Variants in RICTOR observed in about 807,000 individuals in gnomAD.
The protein encoded by RICTOR is rapamycin-insensitive companion of mTOR.
Under a neutral mutation model 214.9 loss-of-function variants are expected in RICTOR, and 49 were observed. That is an observed-to-expected ratio of 0.23 (90% CI 0.18 to 0.29). The LOEUF is 0.29. RICTOR is among the 10% of genes least tolerant of loss of function. The pLI, the probability that RICTOR is intolerant of heterozygous loss-of-function variation, is 1.00. For synonymous variants in RICTOR, 717 were observed against 711.3 expected (o/e 1.01, Z -0.13); for missense variants, 1,625 against 2,047.0 (o/e 0.79, Z 3.98).
At chr5:38,948,839 G>C (rs968176292) in intron 31 of RICTOR, among the ~76,000 whole-genome samples, 3 of 152,110 alleles carry the variant, frequency 2.0e-5, no homozygotes, top group East Asian at 3.9e-4. Flanking sequence ...AATGTGTTAA[G>C]CATTATTGAA....
At chr5:39,002,508 A>G in intron 5 of RICTOR, 27 bp downstream of exon 5, 1 of 1,546,224 alleles carries the variant, frequency 6.5e-7, no homozygotes, top group Non-Finnish European at 8.8e-7. Flanking sequence ...AATTTCAAAA[A>G]TATATAAACA....
intron 2 of RICTOR, among the ~76,000 whole-genome samples, chr5:39,068,588 GAAC>G (rs1000368219): frequency 3.9e-5 from 6 of 152,122 alleles, no homozygotes; most frequent in African/African-American, 7.2e-5. Flanking sequence ...TTATTTAAGA[GAAC>G]AACAAGATCA....
At chr5:38,982,472 C>T (rs116206579) in intron 7 of RICTOR, among the ~76,000 whole-genome samples, 3 of 152,096 alleles carry the variant, frequency 2.0e-5, no homozygotes, top group African/African-American at 7.2e-5. Flanking sequence ...AAATTTCTTG[C>T]TCCAAAGATC....
intron 3 of RICTOR, among the ~76,000 whole-genome samples, chr5:39,019,644 T>C (rs1008911326): frequency 2.6e-5 from 4 of 152,160 alleles, no homozygotes; most frequent in South Asian, 2.1e-4. Context: ...TTACGGCTCA[T>C]TGACAATGCA....
At chr5:39,029,333 TAACA>T (rs1475068988) in intron 2 of RICTOR, among the ~76,000 whole-genome samples, 1 of 152,012 alleles carries the variant, frequency 6.6e-6, no homozygotes, top group Non-Finnish European at 1.5e-5. Flanking sequence ...AAGAGAAAAC[TAACA>T]TATAAACCAT....
chr5:38,950,227 A>C lies in RICTOR; in HGVS notation c.3621T>G (p.Ser1207Arg). 3.7e-6 allele frequency: 6 copies of C among 1,613,348 alleles called. No homozygotes were observed. The highest frequency in any genetic ancestry group is 5.1e-6 in the Non-Finnish European group (6 of 1,179,562). The change falls in exon 31 of 38, where the codon AGT becomes AGG. Residue 1207 changes from serine (S) to arginine (R), a missense_variant. Ser to Arg is a moderately radical substitution (Grantham distance 110). Coordinates refer to ENST00000357387, the MANE Select transcript of RICTOR (RefSeq NM_152756.5). ...GTATCTTCATATGTGAGCTCGTTGA[A>C]CTTTCTACTACTAACCTCTCTCGGC... is the stretch of plus-strand genomic sequence containing the variant. The part of the protein sequence containing the change: ...NTSRERLVVE[S>R]STSSHMKIRS...
chr5:39,046,087 T>A (rs1184813323), intron 2 of RICTOR, among the ~76,000 whole-genome samples: 1 of 145,304 alleles, frequency 6.9e-6, no homozygotes, highest in African/African-American at 2.5e-5. Flanking sequence ...CAGAGGCTCA[T>A]GCACGTAATC....
chr5:39,074,308 T>A, intron 1 of RICTOR, 21 bp downstream of exon 1: 1 of 1,553,010 alleles, frequency 6.4e-7, no homozygotes, highest in Non-Finnish European at 8.7e-7. Flanking sequence ...CGGTGGGGAG[T>A]GAGGGTTGCA....
chr5:38,979,557 A>T (rs1270554259), intron 8 of RICTOR, among the ~76,000 whole-genome samples: 1 of 152,068 alleles, frequency 6.6e-6, no homozygotes, highest in East Asian at 1.9e-4. Context: ...AACAAATCAT[A>T]TTTATTAATT....
At chr5:39,012,094 G>A (rs759661002) in intron 3 of RICTOR, among the ~76,000 whole-genome samples, 5 of 152,156 alleles carry the variant, frequency 3.3e-5, no homozygotes, top group African/African-American at 4.8e-5. Flanking sequence ...GTGGGATCAC[G>A]TGAAAATACT....
In RICTOR at chr5:38,950,405, G is replaced by A. The variant is rs2112855583; in HGVS notation, c.3443C>T (p.Thr1148Ile). Residue 1148 changes from threonine (T) to isoleucine (I), a missense_variant, in exon 31 of 38, where the codon ACA (threonine) becomes ATA (isoleucine). This residue lies in a region of RICTOR where 1,214 missense variants were observed against 1,470.5 expected (regional missense o/e 0.83). Coordinates refer to ENST00000357387, the MANE Select transcript of RICTOR (RefSeq NM_152756.5). The stretch of plus-strand genomic sequence containing the variant: ...TGTTTTCTGTACAGTGGATATGGGT[G>A]TAAAATCATCACTATGATTAAAATC... ...SVDFNHSDDF[T>I]PISTVQKTLQ... The A allele has an allele frequency of 6.2e-7, 1 of 1,612,914 alleles. No homozygotes were observed. Among genetic ancestry groups the A allele is most frequent in the East Asian group, 2.2e-5 (1 of 44,862 alleles).
At chr5:38,957,828 A>T (rs1157612424) in intron 24 of RICTOR, 98 bp from the exon 25 acceptor site, 4 of 643,960 alleles carry the variant, frequency 6.2e-6, no homozygotes, top group Non-Finnish European at 1.1e-5. Flanking sequence ...TAAGGAGCTA[A>T]AAGACTTTAG....
intron 6 of RICTOR, among the ~76,000 whole-genome samples, chr5:38,991,883 G>A (rs962525914): frequency 2.6e-5 from 4 of 152,004 alleles, no homozygotes; most frequent in Non-Finnish European, 5.9e-5. Context: ...CAGGTTACTG[G>A]AGTGGAAATA....
chr5:38,953,879 A>T (rs1183441938), intron 27 of RICTOR, among the ~76,000 whole-genome samples: 1 of 151,882 alleles, frequency 6.6e-6, no homozygotes, highest in East Asian at 1.9e-4. Context: ...TACAGTGCTT[A>T]CCAAAGTACT....
intron 10 of RICTOR, among the ~76,000 whole-genome samples, chr5:38,974,959 T>C (rs961776014): frequency 8.5e-5 from 13 of 152,242 alleles, no homozygotes; most frequent in African/African-American, 2.9e-4. Flanking sequence ...TAATCATTAA[T>C]ACATTGGGTA....
Position 38,945,317 on chromosome 5 carries a change from C to A in RICTOR, c.4633+174G>T. On this transcript the variant is annotated intron_variant, in intron 34 of 37. Coordinates refer to ENST00000357387, the MANE Select transcript of RICTOR (RefSeq NM_152756.5). ...CTGTCAGACTCAGGCCCCACTGTGA[C>A]CTGGAACCGTGAGAGGATCAGCATC... is the stretch of plus-strand genomic sequence containing the variant. 4.8e-6 allele frequency: 3 copies of A among 618,634 alleles called. 1 individual carries two copies. The highest frequency in any genetic ancestry group is 4.1e-5 in the South Asian group (2 of 49,038). 38.3% of individuals were successfully genotyped at this position (618,634 alleles called of 1,614,324 possible).
intron 2 of RICTOR, among the ~76,000 whole-genome samples, chr5:39,051,040 T>TACACACAC (rs202033185): frequency 5.0e-5 from 5 of 100,874 alleles, no homozygotes; most frequent in Non-Finnish European, 7.1e-5. Flanking sequence ...CATACATATA[T>TACACACAC]ATACACACAC....
At chr5:39,052,334 C>A (rs1183728807) in intron 2 of RICTOR, among the ~76,000 whole-genome samples, 1 of 152,150 alleles carries the variant, frequency 6.6e-6, no homozygotes, top group Non-Finnish European at 1.5e-5. Context: ...TATGATCCTG[C>A]CACTGCAATC....
intron 9 of RICTOR, 129 bp from the exon 10 acceptor site, chr5:38,975,733 G>GCCACC: frequency 4.4e-6 from 3 of 680,378 alleles, no homozygotes; most frequent in Non-Finnish European, 5.1e-6. Flanking sequence ...ATTAAAACAA[G>GCCACC]ACAAAGATCA....
Sources: allele counts gnomAD v4.1 joint callset (sites outside exome capture counted in the v4.1 genomes callset), GRCh38; gene constraint gnomAD v4.1.1; regional missense constraint gnomAD v4.1.1; transcripts MANE v1.5; gene names NCBI Gene and HGNC (gene_info 2026-07-23, HGNC 2026-07-21).